The following YIF1A variants were observed in gnomAD, a reference collection of about 807,000 sequenced individuals.
YIF1A encodes the protein protein YIF1A.
A neutral mutation model predicts 32.6 loss-of-function variants in YIF1A; 28 were observed. The observed-to-expected ratio is 0.86, with a 90% CI of 0.64 to 1.18. YIF1A has a LOEUF of 1.18. YIF1A is among the 50% of genes most tolerant of loss of function. The pLI, the probability that YIF1A is intolerant of heterozygous loss-of-function variation, is 0.00. For missense variants in YIF1A, 373 were observed against 390.8 expected, an observed-to-expected ratio of 0.95 and a Z score of 0.38; for synonymous variants, 175 against 162.2, an observed-to-expected ratio of 1.08 and a Z score of -0.60.
At position 66,289,096 on chromosome 11, in the gene YIF1A, C is replaced by G; in HGVS notation, c.-111G>C. On this transcript the variant is annotated 5_prime_UTR_variant, in exon 1 of 8. Transcript: ENST00000376901. The stretch of plus-strand genomic sequence containing the variant: ...TACCGACCGAGGCCACCCGGCCGCG[C>G]GACACGTCCCCCACCCCGCCGGTCT... 1 of 1,394,948 alleles carries G rather than the reference C, an allele frequency of 7.2e-7. No individual in the cohort carries two copies. Among genetic ancestry groups the G allele is most frequent in the South Asian group, 1.5e-5 (1 of 68,510 alleles). 86.4% of individuals were successfully genotyped at this position (1,394,948 alleles called of 1,614,324 possible). A position where few individuals can be genotyped will look rare whatever the true frequency, so the allele number is the denominator to read the frequency against.
Position 66,284,779 on chromosome 11 carries a change from C to T in YIF1A, c.740G>A (p.Arg247His), listed in dbSNP as rs763786305. The change falls in exon 8 of 8, where the codon CGC becomes CAC. Residue 247 changes from arginine to histidine, a missense_variant. Physicochemically the swap from Arg to His is conservative, Grantham distance 29. Coordinates refer to ENST00000376901, the MANE Select transcript of YIF1A (RefSeq NM_020470.3). The stretch of plus-strand genomic sequence containing the variant: ...GCCCAGGGCTGCTGTCCGCAAAGAG[C>T]GCACCTGGAAGAAAGGAGAACTGAA... Reference protein sequence around the residue: ...TSSALMYFIVRSLRTAALGPD... With the variant: ...TSSALMYFIVHSLRTAALGPD... The T allele has an allele frequency of 8.7e-6, 14 of 1,611,218 alleles. No individual in the cohort carries two copies. The highest frequency in any genetic ancestry group is 1.7e-5 in the Admixed American group (1 of 59,890).
intron 3 of YIF1A, 63 bp downstream of exon 3, chr11:66,287,749 G>T: frequency 6.2e-7 from 1 of 1,610,050 alleles, no homozygotes; most frequent in Non-Finnish European, 8.5e-7. Context: ...GGGGGTTGAG[G>T]TCTGGGGGCC....
chr11:66,285,901 G>T, intron 4 of YIF1A, 143 bp from the exon 5 acceptor site: 2 of 925,134 alleles, frequency 2.2e-6, no homozygotes, highest in Non-Finnish European at 3.3e-6. Flanking sequence ...GCTTCCAAAT[G>T]CCCTGCCTGG....
At chr11:66,286,637 GA>G (rs972048194) in intron 4 of YIF1A, among the ~76,000 whole-genome samples, 2 of 151,100 alleles carry the variant, frequency 1.3e-5, no homozygotes, top group African/African-American at 2.4e-5. Context: ...AAAAGAAGAA[GA>G]AAAAAAAAGC....
chr11:66,288,818 G>C, intron 1 of YIF1A, 137 bp downstream of exon 1: 1 of 1,056,802 alleles, frequency 9.5e-7, no homozygotes, highest in Non-Finnish European at 1.3e-6. Flanking sequence ...GTGTTGGAGT[G>C]TTACGAGGGG....
At chr11:66,286,152 A>G (rs1488884232) in intron 4 of YIF1A, among the ~76,000 whole-genome samples, 1 of 152,228 alleles carries the variant, frequency 6.6e-6, no homozygotes, top group Non-Finnish European at 1.5e-5. Context: ...GGGGTCATGG[A>G]GATGACCTCA....
chr11:66,285,826 G>A, intron 4 of YIF1A, 68 bp from the exon 5 acceptor site: 1 of 1,555,508 alleles, frequency 6.4e-7, no homozygotes, highest in Non-Finnish European at 8.8e-7. Flanking sequence ...TAGGCATTCG[G>A]GTTCACCGAC....
intron 1 of YIF1A, 74 bp from the exon 2 acceptor site, chr11:66,288,366 C>T (rs1857397181): frequency 6.3e-7 from 1 of 1,575,038 alleles, no homozygotes; most frequent in East Asian, 2.2e-5. Context: ...CCTTCCCTGG[C>T]TGGACAGCCC....
At chr11:66,287,157 G>A in intron 4 of YIF1A, 1 of 174,262 alleles carries the variant, frequency 5.7e-6, no homozygotes, top group Admixed American at 5.4e-5. Context: ...AAGAGTTAAT[G>A]TTTCCTACGT....
chr11:66,286,087 G>T (rs1857353408), intron 4 of YIF1A, among the ~76,000 whole-genome samples: 1 of 152,220 alleles, frequency 6.6e-6, no homozygotes, highest in Non-Finnish European at 1.5e-5. Context: ...GACCAAACTG[G>T]TTTCTGGCAA....
chr11:66,285,868 G>C, intron 4 of YIF1A, 110 bp from the exon 5 acceptor site: 1 of 1,252,880 alleles, frequency 8.0e-7, no homozygotes, highest in Non-Finnish European at 1.1e-6. Flanking sequence ...GAATAGCCCA[G>C]CATGGCCTGA....
Position 66,288,212 on chromosome 11 carries a change from CG to C in YIF1A, c.111del (p.Gly39AspfsTer50), listed in dbSNP as rs746097556. ...TCTGCTCCTGTGGCTGGGTATCCCC[CG>C]GGCTGGCTGGAATAACCACCGCTTG... ...DDTSGGYSSQPGGYPATGADV... is the reference protein window; with the variant it reads ...DDTSGGYSSQXGGYPATGADV... On this transcript the variant is annotated frameshift_variant, in exon 2 of 8. Transcript: ENST00000376901. LOFTEE classifies it high-confidence loss of function. The C allele has an allele frequency of 7.4e-6, 12 of 1,614,064 alleles. No individual in the cohort carries two copies. The highest frequency in any genetic ancestry group is 7.6e-6 in the Non-Finnish European group (9 of 1,180,026).
At chr11:66,284,817 G>A in intron 7 of YIF1A, 34 bp from the exon 8 acceptor site, 2 of 1,611,896 alleles carry the variant, frequency 1.2e-6, no homozygotes, top group South Asian at 1.1e-5. Flanking sequence ...CTGGCCAGGA[G>A]GGGGAGGTTT....
rs1468605485 is a variant in YIF1A, at chr11:66,285,454, G to A, written c.568C>T (p.Leu190Phe). Residue 190 changes from leucine (L) to phenylalanine (F), a missense_variant, in exon 6 of 8, where the codon CTC (leucine) becomes TTC (phenylalanine). Transcript: ENST00000376901. ...TCACTGCGCACGGTGGCCAGGTAGA[G>A]GCCCAGGAGCAGGGCCAGCACCTCC... ...VMEVLALLLG[L>F]YLATVRSDLS... is the part of the protein sequence containing the mutation. 6.8e-6 allele frequency: 11 copies of A among 1,613,400 alleles called. No individual in the cohort carries two copies. In the East Asian group the frequency reaches 1.8e-4, roughly 26 times the overall value.
rs774943040 is a variant in YIF1A at position 66,285,476 on chromosome 11, C to T, written c.546G>A (p.Glu182=). The change falls in exon 6 of 8, where the codon GAG becomes GAA. Residue 182 remains glutamate, a synonymous_variant. Coordinates refer to ENST00000376901, the MANE Select transcript of YIF1A (RefSeq NM_020470.3). ...ASTALVWVVM[E]VLALLLGLYL... is the part of the protein sequence containing the mutation. ...AGAGGCCCAGGAGCAGGGCCAGCAC[C>T]TCCATCACCACCCACACCAGCGCTG... 5 of 1,613,178 alleles carry T rather than the reference C, an allele frequency of 3.1e-6. No homozygotes were observed. In the African/African-American group the frequency reaches 6.7e-5, roughly 22 times the overall value.
Position 66,284,802 on chromosome 11 carries a change from G to A in YIF1A, c.736-19C>T. 6.2e-7 allele frequency: 1 copy of A among 1,611,542 alleles called. No homozygotes were observed. The highest frequency in any genetic ancestry group is 1.1e-5 in the South Asian group (1 of 91,052). ...AGCGCACCTGGAAGAAAGGAGAACT[G>A]AAGCCTGGCCAGGAGGGGGAGGTTT... On this transcript the variant is annotated intron_variant, in intron 7 of 7. Transcript: ENST00000376901.
At position 66,289,072 on chromosome 11, in the gene YIF1A, A is replaced by G; in HGVS notation, c.-87T>C. 1 of 1,468,346 alleles carries G rather than the reference A, an allele frequency of 6.8e-7. No homozygotes were observed. Among genetic ancestry groups the G allele is most frequent in the East Asian group, 2.7e-5 (1 of 37,072 alleles). 91.0% of individuals were successfully genotyped at this position (1,468,346 alleles called of 1,614,324 possible). ...GAGGCAGCTGCTCCGCGCCCAGGGT[A>G]CCGACCGAGGCCACCCGGCCGCGCG... On this transcript the variant is annotated 5_prime_UTR_variant, in exon 1 of 8. Coordinates refer to ENST00000376901, the MANE Select transcript of YIF1A (RefSeq NM_020470.3).
chr11:66,284,955 C>A lies in YIF1A; in HGVS notation c.653G>T (p.Ser218Ile), dbSNP rs916023935. The change falls in exon 7 of 8, where the codon AGT becomes ATT. Residue 218 changes from serine to isoleucine, a missense_variant. Ser to Ile is a moderately radical substitution (Grantham distance 142). Transcript: ENST00000376901. ...SGYKYVGMILSVLTGLLFGSD... is the reference protein window; with the variant it reads ...SGYKYVGMILIVLTGLLFGSD... The stretch of plus-strand genomic sequence containing the variant: ...GCCGAACAGCAGCCCCGTGAGCACA[C>A]TGAGGATCATTCTGGGGGTGGGAGG... 1 of 1,613,144 alleles carries A rather than the reference C, an allele frequency of 6.2e-7. No homozygotes were observed. The highest frequency in any genetic ancestry group is 1.3e-5 in the African/African-American group (1 of 74,892).
At position 66,284,656 on chromosome 11, in the gene YIF1A, G is replaced by C. The variant is rs373121451; in HGVS notation, c.863C>G (p.Thr288Ser). 1 of 1,612,872 alleles carries C rather than the reference G, an allele frequency of 6.2e-7. No homozygotes were observed. Among genetic ancestry groups the C allele is most frequent in the Non-Finnish European group, 8.5e-7 (1 of 1,179,944 alleles). Residue 288 changes from threonine (T) to serine (S), a missense_variant, in exon 8 of 8, where the codon ACT (threonine) becomes AGT (serine). Thr to Ser is a moderately conservative substitution (Grantham distance 58). Transcript: ENST00000376901. ...AFQPLIIYWLTFHLVR is the reference protein window; with the variant it reads ...AFQPLIIYWLSFHLVR ...AGGGGGTCACCGGACCAGGTGGAAA[G>C]TCAGCCAGTATATGATGAGGGGCTG... is the stretch of plus-strand genomic sequence containing the variant.
Sources: allele counts gnomAD v4.1 joint callset (sites outside exome capture counted in the v4.1 genomes callset), GRCh38; gene constraint gnomAD v4.1.1; transcripts MANE v1.5; gene names NCBI Gene and HGNC (gene_info 2026-07-23, HGNC 2026-07-21).